The following VAV3 variants were observed in gnomAD, a reference collection of about 807,000 sequenced individuals.
The protein encoded by VAV3 is vav guanine nucleotide exchange factor 3.
Under a neutral mutation model 131.2 loss-of-function variants are expected in VAV3, and 94 were observed. The observed-to-expected ratio is 0.72, with a 90% CI of 0.61 to 0.85. The LOEUF is 0.85. Among genes scored for constraint, VAV3 ranks in the 40% least tolerant of loss-of-function variants. The pLI is 0.00. For synonymous variants in VAV3, 349 were observed against 342.0 expected, an observed-to-expected ratio of 1.02 and a Z score of -0.22; for missense variants, 939 against 1,002.7, an observed-to-expected ratio of 0.94 and a Z score of 0.86.
intron 10 of VAV3, among the ~76,000 whole-genome samples, chr1:107,758,536 T>TG (rs911959059): frequency 1.3e-5 from 2 of 152,188 alleles, no homozygotes; most frequent in African/African-American, 4.8e-5. Context: ...CACTCTAGCT[T>TG]GGGCAACAGA....
At chr1:107,642,845 TA>T in intron 19 of VAV3, 90 bp from the exon 20 acceptor site, 1 of 1,549,358 alleles carries the variant, frequency 6.5e-7, no homozygotes, top group Non-Finnish European at 8.7e-7. Context: ...TTATTAACAT[TA>T]AAAAGTGTTA....
chr1:107,761,203 C>A (rs1456314499), intron 9 of VAV3, among the ~76,000 whole-genome samples: 1 of 152,040 alleles, frequency 6.6e-6, no homozygotes, highest in Non-Finnish European at 1.5e-5. Context: ...TCCTGGCTAA[C>A]ATGGTGAAAC....
chr1:107,860,181 C>T (rs1038213814), intron 2 of VAV3, among the ~76,000 whole-genome samples: 6 of 152,144 alleles, frequency 3.9e-5, no homozygotes, highest in South Asian at 2.1e-4. Context: ...AATGCAGTGG[C>T]ATGATCTCGA....
At chr1:107,674,618 T>C (rs1658062289) in intron 19 of VAV3, among the ~76,000 whole-genome samples, 1 of 152,158 alleles carries the variant, frequency 6.6e-6, no homozygotes, top group African/African-American at 2.4e-5. Flanking sequence ...AAGCCAAATA[T>C]GCTGCAATTA....
At position 107,666,961 on chromosome 1, in the gene VAV3, A is replaced by G. The variant is rs148298501; in HGVS notation, c.1777+16527T>C. Reference sequence around the variant, plus strand: ...TAGCTCTGGAGTTTCTGTATCATTGATTTTCAAAAAGGCATCATAAGCCAA... The same window carrying G: ...TAGCTCTGGAGTTTCTGTATCATTGGTTTTCAAAAAGGCATCATAAGCCAA... On this transcript the variant is annotated intron_variant, in intron 19 of 26. Coordinates refer to ENST00000370056, the MANE Select transcript of VAV3 (RefSeq NM_006113.5). Among the ~76,000 whole-genome samples the G allele has an allele frequency of 2.4e-3, 362 of 152,260 alleles. 1 individual carries two copies. Among genetic ancestry groups the G allele is most frequent in the Non-Finnish European group, 3.7e-3 (255 of 68,014 alleles).
intron 25 of VAV3, among the ~76,000 whole-genome samples, chr1:107,579,881 T>C (rs960264764): frequency 6.6e-6 from 1 of 152,074 alleles, no homozygotes; most frequent in Non-Finnish European, 1.5e-5. Context: ...CATTTCCAAC[T>C]CCAAATATCT....
intron 1 of VAV3, among the ~76,000 whole-genome samples, chr1:107,961,493 T>C (rs556040438): frequency 1.3e-5 from 2 of 152,268 alleles, no homozygotes; most frequent in East Asian, 1.9e-4. Flanking sequence ...ATCTCAAATA[T>C]AGACACTAAA....
intron 2 of VAV3, among the ~76,000 whole-genome samples, chr1:107,784,222 T>C (rs1665861771): frequency 6.6e-6 from 1 of 152,200 alleles, no homozygotes; most frequent in Non-Finnish European, 1.5e-5. Flanking sequence ...TTTTTCTTTT[T>C]TCCTTTGCTT....
At chr1:107,740,664 A>G (rs1662967606) in intron 15 of VAV3, among the ~76,000 whole-genome samples, 1 of 152,224 alleles carries the variant, frequency 6.6e-6, no homozygotes, top group South Asian at 2.1e-4. Flanking sequence ...ATTATAGCTG[A>G]GATCATTTTG....
intron 25 of VAV3, among the ~76,000 whole-genome samples, chr1:107,590,213 A>G (rs1357775732): frequency 7.3e-6 from 1 of 136,482 alleles, no homozygotes; most frequent in Admixed American, 7.1e-5. Context: ...ACTGAAAGGA[A>G]CATGCTGATC....
chr1:107,600,676 A>G (rs1237449947), intron 24 of VAV3, among the ~76,000 whole-genome samples: 1 of 152,238 alleles, frequency 6.6e-6, no homozygotes, highest in African/African-American at 2.4e-5. Context: ...CTATAATCAC[A>G]GCTTTTACAT....
chr1:107,662,590 T>G (rs78810630), intron 19 of VAV3, among the ~76,000 whole-genome samples: 1 of 152,320 alleles, frequency 6.6e-6, no homozygotes, highest in East Asian at 1.9e-4. Context: ...TTGAATGGAT[T>G]TTATTCAAGG....
chr1:107,694,524 T>G (rs1176092846), intron 17 of VAV3, among the ~76,000 whole-genome samples: 1 of 152,204 alleles, frequency 6.6e-6, no homozygotes, highest in Non-Finnish European at 1.5e-5. Flanking sequence ...GCAAAAATAC[T>G]AGAAAGGAAT....
At chr1:107,753,780 A>AGGG (rs1663930332) in intron 12 of VAV3, among the ~76,000 whole-genome samples, 1 of 151,636 alleles carries the variant, frequency 6.6e-6, no homozygotes, top group Non-Finnish European at 1.5e-5. Context: ...GTCTGGTCTT[A>AGGG]AACTCCTGAC....
At chr1:107,596,465 G>A in intron 24 of VAV3, 124 bp from the exon 25 acceptor site, 2 of 996,686 alleles carry the variant, frequency 2.0e-6, no homozygotes, top group East Asian at 2.7e-5. Flanking sequence ...ATAGGTATAT[G>A]GAAGATTAAG....
At chr1:107,667,219 T>G (rs539352569) in intron 19 of VAV3, among the ~76,000 whole-genome samples, 169 of 152,334 alleles carry the variant, frequency 1.1e-3, no homozygotes, top group Admixed American at 1.6e-3. Context: ...AGCCAGACAC[T>G]GTGCTAATGT....
intron 2 of VAV3, among the ~76,000 whole-genome samples, chr1:107,803,959 C>G (rs1666944360): frequency 6.6e-6 from 1 of 151,832 alleles, no homozygotes; most frequent in Admixed American, 6.6e-5. Context: ...TTATATTTTC[C>G]TGCTGAATTG....
intron 1 of VAV3, among the ~76,000 whole-genome samples, chr1:107,953,743 G>C (rs1674666145): frequency 6.6e-6 from 1 of 152,056 alleles, no homozygotes; most frequent in Non-Finnish European, 1.5e-5. Context: ...CCAGGAAAAG[G>C]CATAGGGAAG....
At chr1:107,721,130 C>T (rs901497204) in intron 15 of VAV3, among the ~76,000 whole-genome samples, 2 of 151,948 alleles carry the variant, frequency 1.3e-5, no homozygotes, top group Non-Finnish European at 1.5e-5. Flanking sequence ...TTTCATGCTT[C>T]GAGACTAAAT....
Sources: gnomAD v4.1 joint callset for allele counts (sites outside exome capture counted in the v4.1 genomes callset) on GRCh38, gnomAD v4.1.1 for gene constraint, MANE v1.5 for transcripts, NCBI Gene and HGNC (gene_info 2026-07-23, HGNC 2026-07-21) for gene names.